Variants in NCK2 observed in about 807,000 individuals in gnomAD.
NCK2 encodes cytoplasmic protein NCK2.
Under a neutral mutation model 33.9 loss-of-function variants are expected in NCK2, and 16 were observed. The ratio of observed to expected loss-of-function variants is 0.47; its 90% CI spans 0.32 to 0.72. The LOEUF (loss-of-function observed/expected upper bound fraction) is 0.72, where lower values mean the gene tolerates loss of function less well. Ranked by LOEUF, NCK2 falls within the 30% of genes least tolerant of loss-of-function variation. The pLI is 0.03. For synonymous variants in NCK2, 273 were observed against 239.9 expected, an observed-to-expected ratio of 1.14 and a Z score of -1.27; for missense variants, 418 against 537.3, an observed-to-expected ratio of 0.78 and a Z score of 2.19.
intron 1 of NCK2, among the ~76,000 whole-genome samples, chr2:105,807,613 G>A (rs1054349633): frequency 2.6e-5 from 4 of 152,064 alleles, no homozygotes; most frequent in Admixed American, 6.5e-5. Context: ...TTGGAGTCAC[G>A]CTGGGCAGCC....
At chr2:105,820,766 C>T (rs535417556) in intron 2 of NCK2, among the ~76,000 whole-genome samples, 3 of 152,324 alleles carry the variant, frequency 2.0e-5, no homozygotes, top group South Asian at 4.1e-4. Context: ...GCTGCAGATT[C>T]GTTTGACTTT....
rs72935794 is a variant in NCK2 at position 105,827,382 on chromosome 2, C to T, written c.-17+10769C>T. Among the ~76,000 whole-genome samples the T allele has an allele frequency of 3.7e-3, 564 of 152,284 alleles. 3 individuals are homozygous for T. Among genetic ancestry groups the T allele is most frequent in the African/African-American group, 0.013 (544 of 41,548 alleles). ...AAACTGCTAGAACTACAAGGAGAAACAGACATACCCATGATTATACTTGAA... is the reference window on the plus strand; with the variant it reads ...AAACTGCTAGAACTACAAGGAGAAATAGACATACCCATGATTATACTTGAA... On this transcript the variant is annotated intron_variant, in intron 2 of 4. Coordinates refer to ENST00000233154, the MANE Select transcript of NCK2 (RefSeq NM_003581.5).
At chr2:105,761,079 C>T (rs1689750303) in intron 1 of NCK2, among the ~76,000 whole-genome samples, 2 of 152,106 alleles carry the variant, frequency 1.3e-5, no homozygotes, top group Non-Finnish European at 2.9e-5. Flanking sequence ...CTGAGGAAGG[C>T]ATTCTCCTCT....
Position 105,816,411 on chromosome 2 carries a change from T to C in NCK2, c.-200-19T>C, listed in dbSNP as rs533295286. ...ATCAAAGAAGCAAGCAGACCTAATA[T>C]ATGCTTCTTTCTTTTTAGATTTCAT... On this transcript the variant is annotated intron_variant, in intron 1 of 4. Coordinates refer to ENST00000233154, the MANE Select transcript of NCK2 (RefSeq NM_003581.5). The C allele has an allele frequency of 5.9e-5, 9 of 152,334 alleles. No individual in the cohort carries two copies. The highest frequency in any genetic ancestry group is 1.0e-4 in the Non-Finnish European group (7 of 68,038). 9.4% of individuals were successfully genotyped at this position (152,334 alleles called of 1,614,324 possible). A position where few individuals can be genotyped will look rare whatever the true frequency, so the allele number is the denominator to read the frequency against.
intron 3 of NCK2, among the ~76,000 whole-genome samples, chr2:105,870,103 A>G (rs1298658506): frequency 2.6e-5 from 4 of 152,092 alleles, no homozygotes; most frequent in African/African-American, 9.7e-5. Context: ...GTGCCCACCC[A>G]CTGGCAAAGG....
chr2:105,824,852 C>G (rs1386289957), intron 2 of NCK2, among the ~76,000 whole-genome samples: 1 of 152,168 alleles, frequency 6.6e-6, no homozygotes, highest in Non-Finnish European at 1.5e-5. Flanking sequence ...CCACAGAATT[C>G]AGTGGGAAAA....
intron 1 of NCK2, among the ~76,000 whole-genome samples, chr2:105,813,603 G>A (rs565591349): frequency 4.6e-5 from 7 of 152,290 alleles, no homozygotes; most frequent in East Asian, 3.9e-4. Flanking sequence ...ATGCAGAATC[G>A]GCCACGACTG....
intron 1 of NCK2, among the ~76,000 whole-genome samples, chr2:105,765,902 C>T (rs1213991903): frequency 6.6e-6 from 1 of 151,700 alleles, no homozygotes; most frequent in African/African-American, 2.4e-5. Flanking sequence ...GTAAGCCACA[C>T]CCAAACTCCA....
At chr2:105,811,715 C>T (rs1406410531) in intron 1 of NCK2, among the ~76,000 whole-genome samples, 2 of 152,080 alleles carry the variant, frequency 1.3e-5, no homozygotes, top group East Asian at 1.9e-4. Context: ...CAGGCGGGTG[C>T]GGGTCTCCTG....
At chr2:105,795,765 T>C (rs1691061795) in intron 1 of NCK2, among the ~76,000 whole-genome samples, 1 of 152,154 alleles carries the variant, frequency 6.6e-6, no homozygotes, top group Non-Finnish European at 1.5e-5. Flanking sequence ...TGAGAAACAC[T>C]GCTCATGTTC....
chr2:105,832,846 CTT>C (rs60670971), intron 2 of NCK2, among the ~76,000 whole-genome samples: 18 of 141,598 alleles, frequency 1.3e-4, no homozygotes, highest in Non-Finnish European at 1.9e-4. Context: ...ATTCTCTTCT[CTT>C]TTTTTTTTTT....
chr2:105,752,209 C>T (rs1689475745), intron 1 of NCK2, among the ~76,000 whole-genome samples: 1 of 152,140 alleles, frequency 6.6e-6, no homozygotes, highest in African/African-American at 2.4e-5. Flanking sequence ...CATTTGCTGT[C>T]TGTTTTCCAA....
At chr2:105,808,970 A>T (rs1195020283) in intron 1 of NCK2, among the ~76,000 whole-genome samples, 1 of 152,226 alleles carries the variant, frequency 6.6e-6, no homozygotes. Flanking sequence ...TTGAGATTGG[A>T]TGAGAAAGTA....
intron 1 of NCK2, among the ~76,000 whole-genome samples, chr2:105,782,796 A>G (rs55708648): frequency 2.0e-4 from 30 of 152,330 alleles, no homozygotes; most frequent in Non-Finnish European, 4.1e-4. Flanking sequence ...GCTTGTGCTC[A>G]GCTCTGGCAG....
chr2:105,828,385 T>A (rs988716767), intron 2 of NCK2, among the ~76,000 whole-genome samples: 4 of 152,154 alleles, frequency 2.6e-5, no homozygotes, highest in Admixed American at 6.5e-5. Flanking sequence ...TCACAATAAT[T>A]TGCCTGTAAT....
At chr2:105,871,984 T>C (rs1678032554) in intron 3 of NCK2, among the ~76,000 whole-genome samples, 1 of 152,202 alleles carries the variant, frequency 6.6e-6, no homozygotes, top group Middle Eastern at 3.2e-3. Context: ...AAAAGGGACA[T>C]GGAAGACTGG....
chr2:105,746,605 C>T (rs1056208806), intron 1 of NCK2, among the ~76,000 whole-genome samples: 3 of 152,134 alleles, frequency 2.0e-5, no homozygotes, highest in African/African-American at 4.8e-5. Flanking sequence ...GCGAGTTTTA[C>T]GTAAAGAGAA....
At chr2:105,806,767 T>G (rs1425514826) in intron 1 of NCK2, among the ~76,000 whole-genome samples, 1 of 152,156 alleles carries the variant, frequency 6.6e-6, no homozygotes, top group Non-Finnish European at 1.5e-5. Context: ...TGCAGTGCGG[T>G]ATTTTCAGTT....
At chr2:105,849,239 A>G (rs1676966808) in intron 2 of NCK2, among the ~76,000 whole-genome samples, 1 of 152,168 alleles carries the variant, frequency 6.6e-6, no homozygotes, top group Admixed American at 6.5e-5. Flanking sequence ...TACAAAAAGT[A>G]AAAAACTAGC....
Sources: gnomAD v4.1 joint callset for allele counts (sites outside exome capture counted in the v4.1 genomes callset) on GRCh38, gnomAD v4.1.1 for gene constraint, MANE v1.5 for transcripts, NCBI Gene and HGNC (gene_info 2026-07-23, HGNC 2026-07-21) for gene names.